RERE: variants seen among roughly 807,000 people sequenced by gnomAD.
The protein encoded by RERE is arginine-glutamic acid dipeptide repeats protein.
A neutral mutation model predicts 146.1 loss-of-function variants in RERE; 40 were observed. The ratio of observed to expected loss-of-function variants is 0.27; its 90% confidence interval spans 0.21 to 0.36. The LOEUF (loss-of-function observed/expected upper bound fraction) is 0.36, where lower values mean the gene tolerates loss of function less well. Among genes scored for constraint, RERE ranks in the 10% least tolerant of loss-of-function variants. The pLI is 1.00. For synonymous variants in RERE, 1,003 were observed against 866.0 expected, an observed-to-expected ratio of 1.16 and a Z score of -2.78; for missense variants, 1,933 against 2,138.7, an observed-to-expected ratio of 0.90 and a Z score of 1.90.
intron 11 of RERE, among the ~76,000 whole-genome samples, chr1:8,460,430 G>C (rs1570275004): frequency 9.4e-6 from 1 of 106,892 alleles, no homozygotes; most frequent in African/African-American, 2.8e-5. Flanking sequence ...AATTTTGAAA[G>C]AAGGATTTTC....
intron 11 of RERE, among the ~76,000 whole-genome samples, chr1:8,438,206 G>A (rs1284145483): frequency 6.6e-6 from 1 of 152,032 alleles, no homozygotes; most frequent in African/African-American, 2.4e-5. Flanking sequence ...CCCAGGCTTG[G>A]TCTTGAACTC....
At chr1:8,520,763 A>T (rs1338605663) in intron 7 of RERE, among the ~76,000 whole-genome samples, 1 of 150,214 alleles carries the variant, frequency 6.7e-6, no homozygotes, top group African/African-American at 2.4e-5. Flanking sequence ...TTAAAAAAAA[A>T]AAAAAAAAAA....
Position 8,786,465 on chromosome 1 carries a change from A to G in RERE, c.-145+30695T>C, listed in dbSNP as rs905381272. On this transcript the variant is annotated intron_variant, in intron 1 of 22. Coordinates refer to ENST00000400908, the MANE Select transcript of RERE (RefSeq NM_001042681.2). ...CAATTTGTTTATTCATCTTGCCATA[A>G]CCACGCTTGTAGATTAGTTCATTTA... The G allele has an allele frequency of 5.6e-6, 5 of 886,666 alleles. No homozygotes were observed. In the African/African-American group the frequency reaches 8.1e-5, roughly 14 times the overall value. 54.9% of individuals were successfully genotyped at this position (886,666 alleles called of 1,614,324 possible). A position where few individuals can be genotyped will look rare whatever the true frequency, so the allele number is the denominator to read the frequency against.
Position 8,356,252 on chromosome 1 carries a change from G to T in RERE, c.4340-6C>A, listed in dbSNP as rs778976168. On this transcript the variant is annotated splice_polypyrimidine_tract_variant and splice_region_variant and intron_variant, in intron 20 of 22. Transcript: ENST00000400908. This position sits in a 1 kb window ranked among gnomAD's most constrained non-coding sequence, Gnocchi z 5.2. ...GTGAACGGGGCCTGCTGAACCTAAGGAAAGGACAAAACGCCAGATGGAGGC... is the reference window on the plus strand; with the variant it reads ...GTGAACGGGGCCTGCTGAACCTAAGTAAAGGACAAAACGCCAGATGGAGGC... 4 of 1,519,660 alleles carry T rather than the reference G, an allele frequency of 2.6e-6. No homozygotes were observed. The allele number at this position is 1,519,660 out of a possible 1,614,324, so 94.1% of individuals were successfully genotyped here.
At chr1:8,500,401 C>T (rs116404044) in intron 8 of RERE, among the ~76,000 whole-genome samples, 3,960 of 152,308 alleles carry the variant, frequency 0.026, 159 homozygotes, top group African/African-American at 0.09. Context: ...GAGTTGGAGA[C>T]GGGGTTTTGC....
At position 8,423,803 on chromosome 1, in the gene RERE, C is replaced by A. The variant is rs1199990689; in HGVS notation, c.1204-996G>T. Reference sequence around the variant, plus strand: ...GAGGCAGGAGCGCGGCGCGCAGAGCCCGGCGCGGCCGCGGGCGGCTGCAAA... The same window carrying A: ...GAGGCAGGAGCGCGGCGCGCAGAGCACGGCGCGGCCGCGGGCGGCTGCAAA... On this transcript the variant is annotated intron_variant, in intron 11 of 22. Transcript: ENST00000400908. The surrounding 1 kb of genome is among the most constrained non-coding windows in gnomAD (Gnocchi z 5.4). The A allele has an allele frequency of 1.6e-6, 1 of 615,372 alleles. No homozygotes were observed. The highest frequency in any genetic ancestry group is 2.0e-6 in the Non-Finnish European group (1 of 494,746). 38.1% of individuals were successfully genotyped at this position (615,372 alleles called of 1,614,324 possible).
intron 11 of RERE, among the ~76,000 whole-genome samples, chr1:8,445,228 T>C (rs966815008): frequency 1.3e-5 from 2 of 152,342 alleles, no homozygotes; most frequent in African/African-American, 4.8e-5. Flanking sequence ...AGTCTGGTTT[T>C]ACCTAACAGA....
chr1:8,763,399 G>A (rs539513307), intron 1 of RERE, among the ~76,000 whole-genome samples: 2 of 152,294 alleles, frequency 1.3e-5, no homozygotes, highest in African/African-American at 4.8e-5. Flanking sequence ...TCGGGAGACT[G>A]AGGCGCATGG....
intron 4 of RERE, among the ~76,000 whole-genome samples, chr1:8,576,395 A>G (rs564534500): frequency 9.4e-4 from 143 of 152,330 alleles, no homozygotes; most frequent in Non-Finnish European, 1.6e-3. Flanking sequence ...AAATAAGAAG[A>G]AAGTTACATG....
At chr1:8,658,486 G>A (rs961990638) in intron 1 of RERE, among the ~76,000 whole-genome samples, 4 of 152,116 alleles carry the variant, frequency 2.6e-5, no homozygotes, top group African/African-American at 9.7e-5. Context: ...AGCCAGGCAT[G>A]GTGGCTCATA....
At chr1:8,404,182 C>A (rs970571902) in intron 12 of RERE, among the ~76,000 whole-genome samples, 3 of 152,238 alleles carry the variant, frequency 2.0e-5, no homozygotes, top group Non-Finnish European at 2.9e-5. Context: ...GTAATCCCAG[C>A]ACTTTCAGAG....
intron 5 of RERE, 62 bp downstream of exon 5, chr1:8,557,356 T>C (rs143900592): frequency 2.7e-6 from 3 of 1,111,140 alleles, no homozygotes; most frequent in South Asian, 2.5e-5. Flanking sequence ...ATGAAATGTC[T>C]TTAGAAAGAA....
At chr1:8,571,445 T>C (rs952897620) in intron 4 of RERE, among the ~76,000 whole-genome samples, 1 of 152,164 alleles carries the variant, frequency 6.6e-6, no homozygotes, top group Non-Finnish European at 1.5e-5. Context: ...AGAGACACAG[T>C]TTTAGAAATT....
intron 4 of RERE, among the ~76,000 whole-genome samples, chr1:8,566,632 A>G (rs1646156200): frequency 1.3e-5 from 2 of 152,028 alleles, no homozygotes; most frequent in African/African-American, 4.8e-5. Context: ...AACAAAAAAC[A>G]AACAAAAAAA....
intron 3 of RERE, among the ~76,000 whole-genome samples, chr1:8,623,742 A>C (rs1646942656): frequency 6.6e-6 from 1 of 152,230 alleles, no homozygotes; most frequent in South Asian, 2.1e-4. Context: ...TTAATGAGAA[A>C]GTACAGTAGC....
Position 8,362,726 on chromosome 1 carries a change from G to C in RERE, c.1859C>G (p.Ser620Cys). ...GRNSPSAAST[S>C]SNDSKAETVK... ...TGTCTCTGCTTTACTGTCATTGCTG[G>C]AGGTACTGGCAGCGCTGGGGGAGTT... The change falls in exon 16 of 23, where the codon TCC becomes TGC. Residue 620 changes from serine to cysteine, a missense_variant. Ser to Cys is a moderately radical substitution (Grantham distance 112). Around this residue, in one of 11 missense-constraint regions of RERE, gnomAD observed 1,255 missense variants for 1,153.8 expected, o/e 1.09. Coordinates refer to ENST00000400908, the MANE Select transcript of RERE (RefSeq NM_001042681.2). 1 of 1,614,242 alleles carries C rather than the reference G, an allele frequency of 6.2e-7. No individual in the cohort carries two copies. Among genetic ancestry groups the C allele is most frequent in the Non-Finnish European group, 8.5e-7 (1 of 1,180,038 alleles).
chr1:8,352,429 T>C lies in RERE; in HGVS notation c.*2658A>G, dbSNP rs1641132849. On this transcript the variant is annotated 3_prime_UTR_variant, in exon 23 of 23. Transcript: ENST00000400908. ...TTGTAGTGTAGCTTGGTTTTATTTA[T>C]GTCCACAAATATTTCAAAAAAATTA... 1 of 152,452 alleles carries C rather than the reference T, an allele frequency of 6.6e-6. No homozygotes were observed. The highest frequency in any genetic ancestry group is 2.4e-5 in the African/African-American group (1 of 41,452). 9.4% of individuals were successfully genotyped at this position (152,452 alleles called of 1,614,324 possible). A position where few individuals can be genotyped will look rare whatever the true frequency, so the allele number is the denominator to read the frequency against.
At chr1:8,627,597 C>CAACAAA (rs1646990121) in intron 2 of RERE, among the ~76,000 whole-genome samples, 1 of 125,274 alleles carries the variant, frequency 8.0e-6, no homozygotes. Flanking sequence ...GAAACTGTCT[C>CAACAAA]AAAAAAAAAA....
chr1:8,747,124 C>T (rs942104767), intron 1 of RERE, among the ~76,000 whole-genome samples: 1 of 152,074 alleles, frequency 6.6e-6, no homozygotes, highest in Admixed American at 6.6e-5. Flanking sequence ...GCCTCAGCCT[C>T]CCGAGTAGCT....
Sources: gnomAD v4.1 joint callset for allele counts (sites outside exome capture counted in the v4.1 genomes callset) on GRCh38, gnomAD v4.1.1 for gene constraint, gnomAD v4.1.1 regional missense constraint, Gnocchi (gnomAD v3.1) non-coding constraint, MANE v1.5 for transcripts, NCBI Gene and HGNC (gene_info 2026-07-23, HGNC 2026-07-21) for gene names.